The following ADAM10 variants were observed in gnomAD, a reference collection of about 807,000 sequenced individuals.
ADAM10 encodes the protein ADAM metallopeptidase domain 10, also known as disintegrin and metalloproteinase domain-containing protein 10.
In ADAM10, 17 loss-of-function variants were observed where a neutral mutation model predicts 90.1. The observed-to-expected ratio is 0.19, with a 90% confidence interval of 0.13 to 0.28. The LOEUF (loss-of-function observed/expected upper bound fraction) is 0.28, where lower values mean the gene tolerates loss of function less well. Ranked by LOEUF, ADAM10 falls within the 10% of genes least tolerant of loss-of-function variation. ADAM10 has a pLI of 1.00. For synonymous variants in ADAM10, 310 were observed against 298.6 expected, an observed-to-expected ratio of 1.04 and a Z score of -0.40; for missense variants, 610 against 914.3, an observed-to-expected ratio of 0.67 and a Z score of 4.29.
In ADAM10 at chr15:58,633,377, A is replaced by T; in HGVS notation, c.1013-18T>A. 1 of 1,611,406 alleles carries T rather than the reference A, an allele frequency of 6.2e-7. No homozygotes were observed. Among genetic ancestry groups the T allele is most frequent in the Non-Finnish European group, 8.5e-7 (1 of 1,178,092 alleles). On this transcript the variant is annotated intron_variant, in intron 8 of 15. Coordinates refer to ENST00000260408, the MANE Select transcript of ADAM10 (RefSeq NM_001110.4). ...AGAGCTTCCTAATCCAGAACAAAAA[A>T]ATGGCTAAATTAGTATCTGTTTCCC...
chr15:58,743,363 G>C (rs1485415425), intron 1 of ADAM10, among the ~76,000 whole-genome samples: 1 of 151,924 alleles, frequency 6.6e-6, no homozygotes, highest in Non-Finnish European at 1.5e-5. Flanking sequence ...TACATTTCTG[G>C]TACTCCACAT....
At chr15:58,681,454 G>A (rs1897439798) in intron 3 of ADAM10, among the ~76,000 whole-genome samples, 1 of 152,128 alleles carries the variant, frequency 6.6e-6, no homozygotes, top group Non-Finnish European at 1.5e-5. Flanking sequence ...ACTATTTTCA[G>A]TAGAAATCAC....
At chr15:58,640,005 A>G (rs1198032085) in intron 8 of ADAM10, among the ~76,000 whole-genome samples, 1 of 152,146 alleles carries the variant, frequency 6.6e-6, no homozygotes, top group African/African-American at 2.4e-5. Flanking sequence ...ATATTCAAAG[A>G]GCCTGGGGTC....
chr15:58,701,228 A>C (rs1430255616), intron 2 of ADAM10, among the ~76,000 whole-genome samples: 1 of 152,118 alleles, frequency 6.6e-6, no homozygotes, highest in African/African-American at 2.4e-5. Context: ...AGAATATACA[A>C]GGAACTCAAT....
At chr15:58,635,791 T>TA (rs35001597) in intron 8 of ADAM10, among the ~76,000 whole-genome samples, 92 of 146,770 alleles carry the variant, frequency 6.3e-4, no homozygotes, top group Non-Finnish European at 1.0e-3. Flanking sequence ...CTTTATCAGT[T>TA]AAAAAAAAAA....
intron 1 of ADAM10, among the ~76,000 whole-genome samples, chr15:58,731,970 C>G (rs1206434468): frequency 6.6e-6 from 1 of 152,148 alleles, no homozygotes; most frequent in Non-Finnish European, 1.5e-5. Flanking sequence ...AGGCAGCAGA[C>G]AGAAATCTTC....
intron 5 of ADAM10, among the ~76,000 whole-genome samples, chr15:58,656,237 A>G (rs1896826462): frequency 6.6e-6 from 1 of 152,140 alleles, no homozygotes; most frequent in African/African-American, 2.4e-5. Flanking sequence ...GCAATAGATC[A>G]TTGGATCTTC....
intron 4 of ADAM10, chr15:58,672,468 A>C (rs183190035): frequency 6.6e-6 from 1 of 152,500 alleles, no homozygotes; most frequent in East Asian, 1.9e-4. Flanking sequence ...AAGAGAAAGG[A>C]AAATCTGAAG....
chr15:58,646,482 T>TA (rs1456483367), intron 5 of ADAM10, among the ~76,000 whole-genome samples: 1 of 152,162 alleles, frequency 6.6e-6, no homozygotes, highest in Non-Finnish European at 1.5e-5. Context: ...TATAATAGCT[T>TA]ATACTACTTT....
chr15:58,644,082 C>A, intron 6 of ADAM10, 104 bp from the exon 7 acceptor site: 1 of 841,822 alleles, frequency 1.2e-6, no homozygotes, highest in Non-Finnish European at 2.0e-6. Flanking sequence ...CTGCCACATT[C>A]AAATTTTAAA....
At chr15:58,606,588 G>T (rs1028230772) in intron 14 of ADAM10, among the ~76,000 whole-genome samples, 5 of 152,130 alleles carry the variant, frequency 3.3e-5, no homozygotes, top group Non-Finnish European at 7.3e-5. Context: ...TATGTGGTCT[G>T]TTCCACAAAG....
At position 58,597,190 on chromosome 15, in the gene ADAM10, T is replaced by G. The variant is rs1207122590; in HGVS notation, c.*357A>C. 1 of 594,042 alleles carries G rather than the reference T, an allele frequency of 1.7e-6. No individual in the cohort carries two copies. Among genetic ancestry groups the G allele is most frequent in the African/African-American group, 1.9e-5 (1 of 53,916 alleles). 36.8% of individuals were successfully genotyped at this position (594,042 alleles called of 1,614,324 possible). On this transcript the variant is annotated 3_prime_UTR_variant, in exon 16 of 16. Coordinates refer to ENST00000260408, the MANE Select transcript of ADAM10 (RefSeq NM_001110.4). ...GGCAGTTGAAAAAAATATATTTATT[T>G]CAATTTGTGGTAAAAGTTTATTGAG...
At chr15:58,622,906 G>A (rs1022918305) in intron 10 of ADAM10, among the ~76,000 whole-genome samples, 5 of 152,182 alleles carry the variant, frequency 3.3e-5, no homozygotes, top group Non-Finnish European at 2.9e-5. Flanking sequence ...TCTGTAACTT[G>A]CTAGGGACCA....
At chr15:58,623,831 G>T (rs185216757) in intron 10 of ADAM10, among the ~76,000 whole-genome samples, 1 of 152,224 alleles carries the variant, frequency 6.6e-6, no homozygotes, top group East Asian at 1.9e-4. Context: ...AAGGTGAGGG[G>T]AGGGAGCGCA....
chr15:58,604,294 G>C (rs1286633472), intron 14 of ADAM10, among the ~76,000 whole-genome samples: 1 of 152,180 alleles, frequency 6.6e-6, no homozygotes, highest in Non-Finnish European at 1.5e-5. Context: ...CTGGGAGACG[G>C]TGGTTGCAGT....
In ADAM10 at chr15:58,669,351, A is replaced by G. The variant is rs567513423; in HGVS notation, c.485-4154T>C. Among the ~76,000 whole-genome samples the G allele has an allele frequency of 1.3e-3, 197 of 152,304 alleles. 1 individual carries two copies. Among genetic ancestry groups the G allele is most frequent in the Admixed American group, 2.7e-3 (41 of 15,300 alleles). ...CTCTCAAAGGTCAGTCATATGATCA[A>G]TGACCAGTAAACCACTGGATTCAAA... On this transcript the variant is annotated intron_variant, in intron 4 of 15. Coordinates refer to ENST00000260408, the MANE Select transcript of ADAM10 (RefSeq NM_001110.4).
At chr15:58,724,338 C>T (rs948817868) in intron 1 of ADAM10, among the ~76,000 whole-genome samples, 2 of 151,804 alleles carry the variant, frequency 1.3e-5, no homozygotes, top group South Asian at 4.2e-4. Flanking sequence ...GGGTGGGAGG[C>T]AGGGTAAAAA....
rs1894782037 is a variant in ADAM10 at position 58,589,474 on chromosome 15, G to C, written c.*8073C>G. On this transcript the variant is annotated 3_prime_UTR_variant, in exon 16 of 16. Transcript: ENST00000260408. The stretch of plus-strand genomic sequence containing the variant: ...GATATGCACTTCCTCTGAGCTACCA[G>C]GGCATCCTGTGTTTGTAGAGTTTCC... 2 of 152,178 alleles carry C rather than the reference G, an allele frequency of 1.3e-5. No individual in the cohort carries two copies. 9.4% of individuals were successfully genotyped at this position (152,178 alleles called of 1,614,324 possible).
chr15:58,696,755 G>A (rs1195509445), intron 2 of ADAM10, among the ~76,000 whole-genome samples: 4 of 152,058 alleles, frequency 2.6e-5, no homozygotes, highest in African/African-American at 7.2e-5. Context: ...GTGAGCCACC[G>A]CACCTGGCCA....
Sources: allele counts gnomAD v4.1 joint callset (sites outside exome capture counted in the v4.1 genomes callset), GRCh38; gene constraint gnomAD v4.1.1; transcripts MANE v1.5; gene names NCBI Gene and HGNC (gene_info 2026-07-23, HGNC 2026-07-21).